MACROD2: variants seen among roughly 807,000 people sequenced by gnomAD.
MACROD2 encodes mono-ADP ribosylhydrolase 2, also known as ADP-ribose glycohydrolase MACROD2.
Under a neutral mutation model 70.4 loss-of-function variants are expected in MACROD2, and 36 were observed. That is an observed-to-expected ratio of 0.51 (90% CI 0.39 to 0.68). The LOEUF is 0.68. Among genes scored for constraint, MACROD2 ranks in the 30% least tolerant of loss-of-function variants. The probability of loss-of-function intolerance (pLI) is 0.00; values close to 1 mark genes in which losing one functional copy is unlikely to be tolerated. For missense variants in MACROD2, 496 were observed against 538.4 expected, an observed-to-expected ratio of 0.92 and a Z score of 0.78; for synonymous variants, 172 against 178.8, an observed-to-expected ratio of 0.96 and a Z score of 0.30.
At chr20:15,014,940 A>G (rs547987689) in intron 5 of MACROD2, among the ~76,000 whole-genome samples, 9 of 152,082 alleles carry the variant, frequency 5.9e-5, no homozygotes, top group African/African-American at 1.9e-4. Flanking sequence ...CTCTTTTGTA[A>G]TAATTTTGTA....
chr20:14,481,515 G>A (rs888818617), intron 3 of MACROD2, among the ~76,000 whole-genome samples: 2 of 152,166 alleles, frequency 1.3e-5, no homozygotes, highest in Non-Finnish European at 2.9e-5. Context: ...GTTGTATGAT[G>A]TATGTAAATG....
At chr20:15,874,376 C>T (rs1489873163) in intron 9 of MACROD2, among the ~76,000 whole-genome samples, 4 of 151,926 alleles carry the variant, frequency 2.6e-5, no homozygotes, top group East Asian at 1.9e-4. Context: ...AATAAACATA[C>T]GTGTGCATGT....
At chr20:15,504,379 G>GA (rs1336085224) in intron 8 of MACROD2, among the ~76,000 whole-genome samples, 2 of 151,468 alleles carry the variant, frequency 1.3e-5, no homozygotes, top group African/African-American at 4.9e-5. Flanking sequence ...AAAAAGAAAA[G>GA]AAAAAAAGGA....
At chr20:14,281,725 A>G (rs547616558) in intron 3 of MACROD2, among the ~76,000 whole-genome samples, 2 of 152,164 alleles carry the variant, frequency 1.3e-5, no homozygotes, top group African/African-American at 4.8e-5. Context: ...TCACAAGGTC[A>G]GGAGTTAGAG....
intron 3 of MACROD2, among the ~76,000 whole-genome samples, chr20:14,158,542 T>C (rs2055137479): frequency 6.6e-6 from 1 of 152,152 alleles, no homozygotes; most frequent in Non-Finnish European, 1.5e-5. Context: ...TGTTTTCTTC[T>C]AGTAATTTTA....
Position 14,337,509 on chromosome 20 carries a change from C to G in MACROD2, c.272-155970C>G, listed in dbSNP as rs1218047616. 5 of 398,654 alleles carry G rather than the reference C, an allele frequency of 1.3e-5. No homozygotes were observed. The Admixed American group carries it at 2.2e-4, about 18-fold the overall frequency. The allele number at this position is 398,654 out of a possible 1,614,324, so 24.7% of individuals were successfully genotyped here. A position where few individuals can be genotyped will look rare whatever the true frequency, so the allele number is the denominator to read the frequency against. ...CTCCCCCGTCTCCCAAGCTCTGCGT[C>G]CAGTCCACACAAAGCCCACGGCAGC... On this transcript the variant is annotated intron_variant, in intron 3 of 17. Coordinates refer to ENST00000684519, the MANE Select transcript of MACROD2 (RefSeq NM_001351661.2).
intron 3 of MACROD2, among the ~76,000 whole-genome samples, chr20:14,281,225 T>C (rs1176826488): frequency 6.6e-6 from 1 of 152,106 alleles, no homozygotes; most frequent in Non-Finnish European, 1.5e-5. Context: ...ATCCATACAA[T>C]GGAATTATTT....
intron 5 of MACROD2, among the ~76,000 whole-genome samples, chr20:14,854,276 G>A (rs1435506976): frequency 1.3e-5 from 2 of 152,140 alleles, no homozygotes; most frequent in African/African-American, 4.8e-5. Flanking sequence ...AGAAACTGCG[G>A]TGAGAAGTGC....
intron 3 of MACROD2, among the ~76,000 whole-genome samples, chr20:14,351,754 C>T (rs1009717980): frequency 1.6e-4 from 24 of 152,168 alleles, no homozygotes; most frequent in Admixed American, 5.2e-4. Context: ...ACTGCTCTAG[C>T]TAGGACTTTC....
chr20:16,001,185 C>A (rs2066703802), intron 15 of MACROD2, among the ~76,000 whole-genome samples: 1 of 152,174 alleles, frequency 6.6e-6, no homozygotes, highest in South Asian at 2.1e-4. Context: ...GCCTTCATTT[C>A]AGCACAGTAT....
chr20:15,587,694 C>T (rs933443688), intron 8 of MACROD2, among the ~76,000 whole-genome samples: 15 of 152,240 alleles, frequency 9.9e-5, no homozygotes, highest in Middle Eastern at 3.4e-3. Context: ...TGAAATCCAG[C>T]AGGGCAGTCA....
chr20:15,113,706 G>T lies in MACROD2; in HGVS notation c.419-116234G>T, dbSNP rs114176524. Among the ~76,000 whole-genome samples, 516 of 151,538 alleles carry T rather than the reference G, an allele frequency of 3.4e-3. 11 individuals carry two copies. Among genetic ancestry groups the T allele is most frequent in the African/African-American group, 0.012 (495 of 41,330 alleles). On this transcript the variant is annotated intron_variant, in intron 5 of 17. Coordinates refer to ENST00000684519, the MANE Select transcript of MACROD2 (RefSeq NM_001351661.2). ...TTTTGCCTGTTTCTTACATACAAAG[G>T]TTCACTAGGAGTTGAACAAAAAACT...
At chr20:14,430,024 C>A (rs937914103) in intron 3 of MACROD2, among the ~76,000 whole-genome samples, 4 of 152,098 alleles carry the variant, frequency 2.6e-5, no homozygotes, top group Non-Finnish European at 4.4e-5. Flanking sequence ...CTTCCAAATC[C>A]TTTTCTCAGC....
chr20:13,997,164 A>C (rs927241125), intron 1 of MACROD2, among the ~76,000 whole-genome samples: 3 of 152,214 alleles, frequency 2.0e-5, no homozygotes, highest in African/African-American at 7.2e-5. Context: ...AAAATGTTGA[A>C]AGTTTAGTCA....
intron 6 of MACROD2, among the ~76,000 whole-genome samples, chr20:15,353,605 C>A (rs957520695): frequency 2.0e-5 from 3 of 151,814 alleles, no homozygotes; most frequent in African/African-American, 7.3e-5. Context: ...ATCTACTCAT[C>A]TGACAAAGGG....
At chr20:14,764,797 C>G (rs2072064187) in intron 5 of MACROD2, among the ~76,000 whole-genome samples, 4 of 152,026 alleles carry the variant, frequency 2.6e-5, no homozygotes, top group Admixed American at 2.0e-4. Context: ...TACAGTGATG[C>G]CTTCAATCTA....
intron 8 of MACROD2, among the ~76,000 whole-genome samples, chr20:15,696,248 A>T (rs1301877089): frequency 6.6e-6 from 1 of 152,240 alleles, no homozygotes; most frequent in Non-Finnish European, 1.5e-5. Flanking sequence ...AGTTTTAATC[A>T]TAAAGAGATG....
At chr20:14,508,017 G>T (rs1266503560) in intron 4 of MACROD2, among the ~76,000 whole-genome samples, 2 of 152,158 alleles carry the variant, frequency 1.3e-5, no homozygotes, top group Middle Eastern at 3.2e-3. Flanking sequence ...ATACAGAAAA[G>T]CCTGGGAAAG....
chr20:16,038,381 A>G (rs2067262416), intron 15 of MACROD2, among the ~76,000 whole-genome samples: 1 of 151,840 alleles, frequency 6.6e-6, no homozygotes, highest in Non-Finnish European at 1.5e-5. Flanking sequence ...ATCCTATCTC[A>G]TATGGTTCCT....
Sources: allele counts gnomAD v4.1 joint callset (sites outside exome capture counted in the v4.1 genomes callset), GRCh38; gene constraint gnomAD v4.1.1; transcripts MANE v1.5; gene names NCBI Gene and HGNC (gene_info 2026-07-23, HGNC 2026-07-21).